Variants in NBAS observed in about 807,000 individuals in gnomAD.
NBAS encodes NAG/BC035112 fusion.
In NBAS, 219 loss-of-function variants were observed where a neutral mutation model predicts 302.5. That is an observed-to-expected ratio of 0.72 (90% CI 0.65 to 0.81). The LOEUF is 0.81. Among genes scored for constraint, NBAS ranks in the 30% least tolerant of loss-of-function variants. NBAS has a pLI of 0.00. For synonymous variants in NBAS, 1,118 were observed against 1,021.6 expected (o/e 1.09, Z -1.80); for missense variants, 2,932 against 2,841.6 (o/e 1.03, Z -0.72).
At chr2:14,857,856 A>C in the NBAS span, among the ~76,000 whole-genome samples, 3 of 152,226 alleles carry the variant, frequency 2.0e-5, no homozygotes, top group African/African-American at 7.2e-5. Flanking sequence ...TCTGCACAGC[A>C]AAGGATACAG....
the NBAS span, among the ~76,000 whole-genome samples, chr2:15,018,834 A>G: frequency 6.6e-6 from 1 of 152,300 alleles, no homozygotes; most frequent in South Asian, 2.1e-4. Context: ...TTCTTTTTCT[A>G]AAATAAAGAG....
intron 28 of NBAS, 64 bp downstream of exon 28, chr2:15,394,163 G>C (rs1675751039): frequency 1.3e-6 from 2 of 1,491,718 alleles, no homozygotes; most frequent in South Asian, 1.3e-5. Context: ...GTCAGAAAAA[G>C]AGAAATACTT....
chr2:14,896,283 G>A, the NBAS span, among the ~76,000 whole-genome samples: 1 of 152,024 alleles, frequency 6.6e-6, no homozygotes, highest in African/African-American at 2.4e-5. Context: ...CAGCCAATAC[G>A]CTATGTAATG....
the NBAS span, among the ~76,000 whole-genome samples, chr2:14,850,891 G>C: frequency 7.4e-6 from 1 of 134,356 alleles, no homozygotes; most frequent in Admixed American, 7.1e-5. Context: ...CGAGAACAAA[G>C]ACACAACATA....
chr2:15,460,808 G>A (rs1679472446), intron 21 of NBAS, among the ~76,000 whole-genome samples: 1 of 152,202 alleles, frequency 6.6e-6, no homozygotes, highest in Non-Finnish European at 1.5e-5. Context: ...AAGGGTTGCT[G>A]AGCAAAGGAG....
chr2:15,520,310 G>A (rs1037900201), intron 9 of NBAS, among the ~76,000 whole-genome samples: 4 of 152,226 alleles, frequency 2.6e-5, no homozygotes, highest in African/African-American at 9.6e-5. Flanking sequence ...GCTGAGGAGG[G>A]AGGATCGCTT....
chr2:15,138,095 C>G, the NBAS span, among the ~76,000 whole-genome samples: 2 of 152,180 alleles, frequency 1.3e-5, no homozygotes, highest in Non-Finnish European at 2.9e-5. Flanking sequence ...CCTGCATAGA[C>G]AGACCTAACC....
At chr2:15,524,821 C>T (rs1662843956) in intron 9 of NBAS, among the ~76,000 whole-genome samples, 1 of 151,392 alleles carries the variant, frequency 6.6e-6, no homozygotes, top group Non-Finnish European at 1.5e-5. Flanking sequence ...TAATTCTCAA[C>T]AGGTAATTCT....
chr2:15,508,726 G>A lies in NBAS; in HGVS notation c.885+2486C>T, dbSNP rs150819781. On this transcript the variant is annotated intron_variant, in intron 10 of 51. Coordinates refer to ENST00000281513, the MANE Select transcript of NBAS (RefSeq NM_015909.4). ...CTGAAAGCAAGGTGCAGACTTGGCC[G>A]GGCATGGTGGCTCACGCCTGTAATC... is the stretch of plus-strand genomic sequence containing the variant. Among the ~76,000 whole-genome samples the A allele has an allele frequency of 6.9e-3, 1,057 of 152,108 alleles. 14 individuals carry two copies. The highest frequency in any genetic ancestry group is 0.023 in the African/African-American group (942 of 41,492).
intron 8 of NBAS, among the ~76,000 whole-genome samples, chr2:15,535,288 G>A (rs781567026): frequency 2.6e-5 from 4 of 152,096 alleles, no homozygotes; most frequent in African/African-American, 4.8e-5. Flanking sequence ...TTGGGAGGCC[G>A]AGGCGGGCAG....
the NBAS span, among the ~76,000 whole-genome samples, chr2:14,989,283 ATGTATG>A: frequency 2.9e-5 from 2 of 68,674 alleles, no homozygotes. Context: ...TATATAGTAG[ATGTATG>A]TGTATGTGTG....
the NBAS span, among the ~76,000 whole-genome samples, chr2:15,066,492 G>T: frequency 1.3e-5 from 2 of 152,044 alleles, no homozygotes; most frequent in African/African-American, 4.8e-5. Flanking sequence ...AACACATAGG[G>T]AAATCATATG....
the NBAS span, among the ~76,000 whole-genome samples, chr2:14,847,667 T>C: frequency 2.6e-5 from 4 of 152,268 alleles, no homozygotes; most frequent in Admixed American, 6.5e-5. Context: ...AGGAGATAGA[T>C]AGACTCCAAT....
the NBAS span, among the ~76,000 whole-genome samples, chr2:14,940,905 T>C: frequency 6.6e-6 from 1 of 152,244 alleles, no homozygotes; most frequent in Non-Finnish European, 1.5e-5. Context: ...CTCACTGTAT[T>C]GCAAGCTCCT....
At chr2:14,880,130 A>G in the NBAS span, among the ~76,000 whole-genome samples, 2 of 152,170 alleles carry the variant, frequency 1.3e-5, no homozygotes, top group African/African-American at 4.8e-5. Context: ...TCTACCCCTC[A>G]AAAGAAAGTT....
the NBAS span, among the ~76,000 whole-genome samples, chr2:14,842,845 A>AC: frequency 7.1e-6 from 1 of 140,924 alleles, no homozygotes. Context: ...GCAGAAAATG[A>AC]CAAAAAAAAA....
the NBAS span, among the ~76,000 whole-genome samples, chr2:14,831,149 G>A: frequency 1.3e-5 from 2 of 152,020 alleles, no homozygotes; most frequent in African/African-American, 2.4e-5. Flanking sequence ...TTGGTGAGTC[G>A]TTTCTGTTTT....
At chr2:14,997,359 C>A in the NBAS span, among the ~76,000 whole-genome samples, 1 of 151,818 alleles carries the variant, frequency 6.6e-6, no homozygotes, top group Non-Finnish European at 1.5e-5. Context: ...ACGTGGCTTC[C>A]CTTTCTAGTC....
intron 9 of NBAS, among the ~76,000 whole-genome samples, chr2:15,528,177 A>C (rs1159097762): frequency 6.6e-6 from 1 of 151,702 alleles, no homozygotes; most frequent in Non-Finnish European, 1.5e-5. Context: ...TTTATCTAGA[A>C]TGTCCATCAT....
Sources: gnomAD v4.1 joint callset for allele counts (sites outside exome capture counted in the v4.1 genomes callset) on GRCh38, gnomAD v4.1.1 for gene constraint, MANE v1.5 for transcripts, NCBI Gene and HGNC (gene_info 2026-07-23, HGNC 2026-07-21) for gene names.